CD2AP: variants seen among roughly 807,000 people sequenced by gnomAD.
CD2AP encodes CD2-associated protein.
A neutral mutation model predicts 85.1 loss-of-function variants in CD2AP; 46 were observed. The observed-to-expected ratio is 0.54, with a 90% CI of 0.43 to 0.69. The LOEUF (loss-of-function observed/expected upper bound fraction) is 0.69, where lower values mean the gene tolerates loss of function less well. Among genes scored for constraint, CD2AP ranks in the 30% least tolerant of loss-of-function variants. The pLI is 0.00. For missense variants in CD2AP, 769 were observed against 729.5 expected (o/e 1.05, Z -0.62); for synonymous variants, 255 against 252.9 (o/e 1.01, Z -0.08).
rs1491306201 is a variant in CD2AP at position 47,609,512 on chromosome 6, GCA to G, written c.1814+209_1814+210del. ...GACGACATGACAAAACCCCATCTTT[GCA>G]AAAAAAAAAAAAAAAAAGAAAAGAA... is the stretch of plus-strand genomic sequence containing the variant. On this transcript the variant is annotated intron_variant, in intron 16 of 17. Coordinates refer to ENST00000359314, the MANE Select transcript of CD2AP (RefSeq NM_012120.3). The G allele has an allele frequency of 1.2e-3, 63 of 53,912 alleles. 2 individuals carry two copies. Among genetic ancestry groups the G allele is most frequent in the South Asian group, 5.3e-3 (4 of 750 alleles). The allele number at this position is 53,912 out of a possible 1,614,324, so 3.3% of individuals were successfully genotyped here.
intron 4 of CD2AP, among the ~76,000 whole-genome samples, chr6:47,546,943 A>G (rs1005716455): frequency 6.6e-6 from 1 of 152,168 alleles, no homozygotes; most frequent in Non-Finnish European, 1.5e-5. Context: ...TAAATGAAGG[A>G]AACATACAGT....
chr6:47,550,406 T>A (rs987447761), intron 4 of CD2AP, among the ~76,000 whole-genome samples: 2 of 152,006 alleles, frequency 1.3e-5, no homozygotes, highest in African/African-American at 4.8e-5. Context: ...AATAGACAGT[T>A]CTCAAAAGAA....
Position 47,626,080 on chromosome 6 carries a change from A to AG in CD2AP, c.*1854dup, listed in dbSNP as rs1769898728. The AG allele has an allele frequency of 1.3e-5, 2 of 151,936 alleles. No homozygotes were observed. Among genetic ancestry groups the AG allele is most frequent in the Admixed American group, 1.3e-4 (2 of 15,256 alleles). The allele number at this position is 151,936 out of a possible 1,614,324, so 9.4% of individuals were successfully genotyped here. On this transcript the variant is annotated 3_prime_UTR_variant, in exon 18 of 18. Coordinates refer to ENST00000359314, the MANE Select transcript of CD2AP (RefSeq NM_012120.3). ...GCTTTCTCACCTGAAAATCTATTGAAGTGATCCCTGGTCATCCTAATAATG... is the reference window on the plus strand; with the variant it reads ...GCTTTCTCACCTGAAAATCTATTGAAGGTGATCCCTGGTCATCCTAATAATG...
At chr6:47,609,494 T>C (rs1203596924) in intron 16 of CD2AP, 190 bp downstream of exon 16, 4 of 258,300 alleles carry the variant, frequency 1.5e-5, no homozygotes, top group Admixed American at 6.7e-5. Flanking sequence ...CTGGACGACA[T>C]GACAAAACCC....
chr6:47,594,429 C>CT (rs1329116612), intron 11 of CD2AP, among the ~76,000 whole-genome samples: 3 of 151,452 alleles, frequency 2.0e-5, no homozygotes, highest in African/African-American at 7.3e-5. Context: ...TCCATGTATT[C>CT]TTTTTTTTAG....
At chr6:47,614,211 A>G (rs966049465) in intron 17 of CD2AP, among the ~76,000 whole-genome samples, 1 of 152,178 alleles carries the variant, frequency 6.6e-6, no homozygotes, top group East Asian at 1.9e-4. Context: ...TTCCTTTGCA[A>G]TCAAAACTTG....
At chr6:47,546,111 AC>A (rs1685035313) in intron 4 of CD2AP, among the ~76,000 whole-genome samples, 1 of 152,178 alleles carries the variant, frequency 6.6e-6, no homozygotes, top group South Asian at 2.1e-4. Flanking sequence ...AAAAAATGAT[AC>A]AAGAAGTGAA....
At position 47,566,323 on chromosome 6, in the gene CD2AP, T is replaced by TAC. The variant is rs1428713911; in HGVS notation, c.542-7737_542-7736dup. ...TAGAATATATATATATATATATATA[T>TAC]ACACATACACATATATATATATGTA... is the stretch of plus-strand genomic sequence containing the variant. On this transcript the variant is annotated intron_variant, in intron 5 of 17. Transcript: ENST00000359314. 2.0e-3 allele frequency among the ~76,000 whole-genome samples: 218 copies of TAC among 108,452 alleles called. 12 individuals are homozygous for TAC. In the South Asian group the frequency reaches 0.052, roughly 26 times the overall value. The allele number at this position is 108,452 out of a possible 152,430, so 71.1% of individuals were successfully genotyped here.
In CD2AP at chr6:47,566,317, T is replaced by TAC. The variant is rs1220636753; in HGVS notation, c.542-7746_542-7745insCA. On this transcript the variant is annotated intron_variant, in intron 5 of 17. Transcript: ENST00000359314. ...GCTCATTAGAATATATATATATATA[T>TAC]ATATATACACATACACATATATATA... Among the ~76,000 whole-genome samples the TAC allele has an allele frequency of 3.9e-4, 36 of 92,952 alleles. 1 individual carries two copies. The highest frequency in any genetic ancestry group is 8.6e-4 in the Non-Finnish European group (32 of 37,030). The allele number at this position is 92,952 out of a possible 152,430, so 61.0% of individuals were successfully genotyped here.
At chr6:47,487,643 T>C (rs1479638781) in intron 1 of CD2AP, among the ~76,000 whole-genome samples, 18 of 152,122 alleles carry the variant, frequency 1.2e-4, no homozygotes, top group Non-Finnish European at 2.9e-5. Flanking sequence ...TGAGCTGAGA[T>C]CGCGCCACTG....
At chr6:47,481,511 A>G (rs573829858) in intron 1 of CD2AP, among the ~76,000 whole-genome samples, 1 of 152,056 alleles carries the variant, frequency 6.6e-6, no homozygotes, top group African/African-American at 2.4e-5. Context: ...ATGCCCAGCT[A>G]ATTTTTGCAT....
rs147766136 is a variant in CD2AP, at chr6:47,537,349, A to T, written c.319+3594A>T. ...GTTCATGGTGGCTCTTTGACATTGAAGTATTCTGACTGGTAAGGAGAAAAA... is the reference window on the plus strand; with the variant it reads ...GTTCATGGTGGCTCTTTGACATTGATGTATTCTGACTGGTAAGGAGAAAAA... On this transcript the variant is annotated intron_variant, in intron 3 of 17. Transcript: ENST00000359314. Among the ~76,000 whole-genome samples, 333 of 152,320 alleles carry T rather than the reference A, an allele frequency of 2.2e-3. 2 individuals are homozygous for T. Among genetic ancestry groups the T allele is most frequent in the African/African-American group, 7.7e-3 (320 of 41,570 alleles).
intron 14 of CD2AP, among the ~76,000 whole-genome samples, chr6:47,607,243 A>G (rs1023385653): frequency 5.3e-5 from 8 of 152,000 alleles, no homozygotes; most frequent in African/African-American, 1.7e-4. Flanking sequence ...TCTTGGCTGT[A>G]TTCTTGTGAA....
intron 17 of CD2AP, among the ~76,000 whole-genome samples, chr6:47,616,799 TGCATCTTAGGTTAG>T (rs1769602001): frequency 1.3e-5 from 2 of 152,210 alleles, no homozygotes; most frequent in South Asian, 4.1e-4. Context: ...TGTAACCCCT[TGCATCTTAGGTTAG>T]GTTTACTGAT....
intron 3 of CD2AP, among the ~76,000 whole-genome samples, chr6:47,543,175 AAAAG>A (rs1421764126): frequency 2.9e-5 from 4 of 136,376 alleles, no homozygotes; most frequent in Non-Finnish European, 6.7e-5. Context: ...AAAAAAAAGA[AAAAG>A]AAAAAAGAAA....
chr6:47,529,949 A>G (rs1562018137), intron 2 of CD2AP, among the ~76,000 whole-genome samples: 1 of 152,258 alleles, frequency 6.6e-6, no homozygotes, highest in South Asian at 2.1e-4. Flanking sequence ...TTCATTCCTC[A>G]GAAGCTCTGT....
intron 8 of CD2AP, among the ~76,000 whole-genome samples, chr6:47,578,911 C>T (rs1179464281): frequency 2.0e-5 from 3 of 152,144 alleles, no homozygotes; most frequent in Non-Finnish European, 4.4e-5. Flanking sequence ...CCCACCTCAG[C>T]CTCCTAAAAT....
At chr6:47,622,032 G>C (rs1166307792) in intron 17 of CD2AP, among the ~76,000 whole-genome samples, 1 of 152,212 alleles carries the variant, frequency 6.6e-6, no homozygotes, top group Non-Finnish European at 1.5e-5. Context: ...CTGCTGTTGG[G>C]GATGAAGGTG....
intron 4 of CD2AP, 122 bp from the exon 5 acceptor site, chr6:47,554,524 A>T: frequency 1.1e-6 from 1 of 892,222 alleles, no homozygotes; most frequent in Non-Finnish European, 1.8e-6. Context: ...TTTAAATTTT[A>T]AAGGGTTTAT....
Sources: gnomAD v4.1 joint callset for allele counts (sites outside exome capture counted in the v4.1 genomes callset) on GRCh38, gnomAD v4.1.1 for gene constraint, MANE v1.5 for transcripts, NCBI Gene and HGNC (gene_info 2026-07-23, HGNC 2026-07-21) for gene names.